Variants in RNU2-63P observed in about 807,000 individuals in gnomAD.
The protein encoded by RNU2-63P is RNA, U2 small nuclear 63, pseudogene.
exon 1 of RNU2-63P, chr2:88,016,380 T>G (rs1418463953): frequency 3.9e-5 from 1 of 25,754 alleles, no homozygotes; most frequent in Non-Finnish European, 1.1e-4. Flanking sequence ...CTGGAAGTAC[T>G]GCAATACCAA....
chr2:88,016,516 C>A (rs901321067), exon 1 of RNU2-63P: 1 of 152,208 alleles, frequency 6.6e-6, no homozygotes, highest in Non-Finnish European at 1.5e-5. Flanking sequence ...ACACACTACA[C>A]TCAATCATTA....
chr2:88,016,409 T>TA (rs1168036984), exon 1 of RNU2-63P: 23 of 152,138 alleles, frequency 1.5e-4, no homozygotes, highest in Admixed American at 1.4e-3. Context: ...GTAGACTAGA[T>TA]AGAGTAAACT....
At position 88,016,404 on chromosome 2, in the gene RNU2-63P, CTAGA is replaced by C. The variant is rs1482709373; in HGVS notation, n.140_143del. The stretch of plus-strand genomic sequence containing the variant: ...CTGCAATACCAAATCGATGCGTAGA[CTAGA>C]TAGAGTAAACTCTTACTCCAACTCC... On this transcript the variant is annotated non_coding_transcript_exon_variant, in exon 1 of 1. Transcript: ENST00000410792. 14 of 152,280 alleles carry C rather than the reference CTAGA, an allele frequency of 9.2e-5. No individual in the cohort carries two copies. The South Asian group carries it at 1.9e-3, about 20-fold the overall frequency. The allele number at this position is 152,280 out of a possible 1,614,324, so 9.4% of individuals were successfully genotyped here. A position where few individuals can be genotyped will look rare whatever the true frequency, so the allele number is the denominator to read the frequency against.
chr2:88,016,534 A>G (rs915733316), exon 1 of RNU2-63P: 7 of 152,262 alleles, frequency 4.6e-5, no homozygotes, highest in Non-Finnish European at 7.3e-5. Context: ...TTAACCAAAC[A>G]GCAAAAAAGA....
exon 1 of RNU2-63P, chr2:88,016,394 G>C (rs375646675): frequency 4.5e-5 from 3 of 66,648 alleles, no homozygotes; most frequent in Non-Finnish European, 1.1e-4. Flanking sequence ...ATACCAAATC[G>C]ATGCGTAGAC....
chr2:88,016,490 T>C (rs543374646), exon 1 of RNU2-63P: 5 of 152,250 alleles, frequency 3.3e-5, no homozygotes, highest in South Asian at 4.1e-4. Context: ...ATACCAGATA[T>C]TAAACTGATA....
At chr2:88,016,539 A>T (rs1425515384) in exon 1 of RNU2-63P, 1 of 152,234 alleles carries the variant, frequency 6.6e-6, no homozygotes, top group African/African-American at 2.4e-5. Context: ...CAAACAGCAA[A>T]AAAGAGATAC....
exon 1 of RNU2-63P, chr2:88,016,364 C>T (rs1234073958): frequency 4.2e-5 from 1 of 23,598 alleles, no homozygotes; most frequent in Non-Finnish European, 1.2e-4. Context: ...AGCAGGTGCA[C>T]CGTTTCTGGA....
exon 1 of RNU2-63P, chr2:88,016,477 A>T (rs1373892942): frequency 6.6e-6 from 1 of 152,138 alleles, no homozygotes; most frequent in Non-Finnish European, 1.5e-5. Flanking sequence ...CAAACAGAAG[A>T]ACATACCAGA....
chr2:88,016,525 T>G (rs936646993), exon 1 of RNU2-63P: 2 of 152,138 alleles, frequency 1.3e-5, no homozygotes, highest in Non-Finnish European at 2.9e-5. Flanking sequence ...ACTCAATCAT[T>G]AACCAAACAG....
chr2:88,016,449 G>A (rs573963086), exon 1 of RNU2-63P: 11 of 115,392 alleles, frequency 9.5e-5, no homozygotes, highest in South Asian at 9.4e-4. Flanking sequence ...CCAAAACTGC[G>A]TTTAATATAG....
chr2:88,016,455 T>A (rs540649539), exon 1 of RNU2-63P: 1 of 152,152 alleles, frequency 6.6e-6, no homozygotes. Flanking sequence ...CTGCGTTTAA[T>A]ATAGCGTTCA....
At chr2:88,016,449 G>C (rs573963086) in exon 1 of RNU2-63P, 8 of 115,266 alleles carry the variant, frequency 6.9e-5, no homozygotes, top group Admixed American at 2.7e-4. Flanking sequence ...CCAAAACTGC[G>C]TTTAATATAG....
exon 1 of RNU2-63P, chr2:88,016,531 A>C (rs538416681): frequency 2.0e-5 from 3 of 152,230 alleles, no homozygotes; most frequent in East Asian, 3.9e-4. Context: ...TCATTAACCA[A>C]ACAGCAAAAA....
chr2:88,016,401 A>G (rs1264270983), exon 1 of RNU2-63P: 3 of 152,160 alleles, frequency 2.0e-5, no homozygotes, highest in African/African-American at 7.2e-5. Flanking sequence ...ATCGATGCGT[A>G]GACTAGATAG....
exon 1 of RNU2-63P, chr2:88,016,456 A>G (rs975699144): frequency 3.0e-5 from 4 of 134,492 alleles, no homozygotes; most frequent in Admixed American, 1.5e-4. Context: ...TGCGTTTAAT[A>G]TAGCGTTCAT....
exon 1 of RNU2-63P, chr2:88,016,408 ATAGAG>A (rs1438635308): frequency 1.6e-4 from 16 of 99,894 alleles, no homozygotes; most frequent in African/African-American, 5.0e-4. Context: ...CGTAGACTAG[ATAGAG>A]TAAACTCTTA....
chr2:88,016,525 T>A (rs936646993), exon 1 of RNU2-63P: 3 of 152,138 alleles, frequency 2.0e-5, no homozygotes, highest in African/African-American at 7.2e-5. Context: ...ACTCAATCAT[T>A]AACCAAACAG....
At chr2:88,016,518 C>G (rs749658977) in exon 1 of RNU2-63P, 2 of 152,228 alleles carry the variant, frequency 1.3e-5, no homozygotes, top group African/African-American at 2.4e-5. Flanking sequence ...ACACTACACT[C>G]AATCATTAAC....
Sources: allele counts gnomAD v4.1 joint callset, GRCh38; gene constraint gnomAD v4.1.1; transcripts MANE v1.5; gene names NCBI Gene and HGNC (gene_info 2026-07-23, HGNC 2026-07-21).